Variants in CCAR2 observed in about 807,000 individuals in gnomAD.
The protein encoded by CCAR2 is cell cycle and apoptosis regulator protein 2.
CCAR2 carries 21 observed loss-of-function variants against 108.1 expected under a neutral mutation model. That is an observed-to-expected ratio of 0.19 (90% CI 0.14 to 0.28). The LOEUF is 0.28. Among genes scored for constraint, CCAR2 ranks in the 10% least tolerant of loss-of-function variants. The pLI, the probability that CCAR2 is intolerant of heterozygous loss-of-function variation, is 1.00. For missense variants in CCAR2, 1,126 were observed against 1,177.0 expected (o/e 0.96, Z 0.63); for synonymous variants, 577 against 472.8 (o/e 1.22, Z -2.86).
chr8:22,607,389 C>G (rs1801116883), intron 6 of CCAR2, 64 bp downstream of exon 6: 2 of 1,582,230 alleles, frequency 1.3e-6, no homozygotes, highest in East Asian at 4.5e-5. Flanking sequence ...AATGGACTTT[C>G]AGGTTGCTGC....
intron 4 of CCAR2, 68 bp downstream of exon 4, chr8:22,606,766 GC>G (rs1801095586): frequency 1.4e-6 from 2 of 1,458,220 alleles, no homozygotes; most frequent in East Asian, 4.6e-5. Context: ...TGCTGGTATT[GC>G]CCCCACCCGC....
Position 22,618,387 on chromosome 8 carries a change from C to T in CCAR2, c.2112C>T (p.Asp704=). Residue 704 remains aspartate (D), a synonymous_variant, in exon 17 of 21, where the codon GAC becomes GAT. Transcript: ENST00000308511. ...ATCCCTCTGCTGTGCTCCCCTTAGA[C>T]TGTCTGCTTGCTTTTGTGTTCTTTG... is the stretch of plus-strand genomic sequence containing the variant. The part of the protein sequence containing the change: ...ELDPSAVLPL[D]CLLAFVFFDA... 1.9e-6 allele frequency: 3 copies of T among 1,614,234 alleles called. No individual in the cohort carries two copies. Among genetic ancestry groups the T allele is most frequent in the Non-Finnish European group, 2.5e-6 (3 of 1,180,038 alleles).
rs1554562707 is a variant in CCAR2, at chr8:22,618,333, T to G, written c.2074-16T>G. ...GAACTATTTGCAAATCCTGCTCATCTTTGTTTTCTTTGCAGCCCAAGGAGC... is the reference window on the plus strand; with the variant it reads ...GAACTATTTGCAAATCCTGCTCATCGTTGTTTTCTTTGCAGCCCAAGGAGC... On this transcript the variant is annotated splice_polypyrimidine_tract_variant and intron_variant, in intron 16 of 20. Transcript: ENST00000308511. 8.1e-6 allele frequency: 13 copies of G among 1,614,136 alleles called. No homozygotes were observed. The highest frequency in any genetic ancestry group is 1.1e-5 in the Non-Finnish European group (13 of 1,179,958).
chr8:22,617,157 G>T (rs1055388564), intron 14 of CCAR2, among the ~76,000 whole-genome samples: 15 of 151,834 alleles, frequency 9.9e-5, no homozygotes, highest in African/African-American at 2.9e-4. Flanking sequence ...GCTGCTGCTT[G>T]TTTAAATACT....
At chr8:22,607,348 T>C (rs1801115285) in intron 6 of CCAR2, 23 bp downstream of exon 6, 3 of 1,606,564 alleles carry the variant, frequency 1.9e-6, no homozygotes, top group Admixed American at 1.7e-5. Flanking sequence ...GGCACTGTTG[T>C]TGGGTGTGGC....
At chr8:22,606,257 A>T in intron 3 of CCAR2, 81 bp downstream of exon 3, 1 of 1,181,520 alleles carries the variant, frequency 8.5e-7, no homozygotes, top group Non-Finnish European at 1.3e-6. Flanking sequence ...TCTCTTACAT[A>T]ATAGTGTTTA....
In CCAR2 at chr8:22,619,652, G is replaced by T; in HGVS notation, c.2742G>T (p.Val914=). 1 of 1,574,912 alleles carries T rather than the reference G, an allele frequency of 6.3e-7. No homozygotes were observed. The highest frequency in any genetic ancestry group is 8.6e-7 in the Non-Finnish European group (1 of 1,159,696). Residue 914 remains valine (V), a synonymous_variant, in exon 21 of 21, where the codon GTG becomes GTT. Coordinates refer to ENST00000308511, the MANE Select transcript of CCAR2 (RefSeq NM_001393997.1). The part of the protein sequence containing the change: ...QRVVEKADSW[V]EKEEPAPSN ...GTTTCAAACAGGCTGACAGCTGGGTGGAGAAGGAGGAGCCGGCACCTAGCA... is the reference window on the plus strand; with the variant it reads ...GTTTCAAACAGGCTGACAGCTGGGTTGAGAAGGAGGAGCCGGCACCTAGCA...
At chr8:22,617,271 G>GAAATT in intron 14 of CCAR2, 149 bp from the exon 15 acceptor site, 1 of 923,968 alleles carries the variant, frequency 1.1e-6, no homozygotes, top group Non-Finnish European at 1.5e-6. Context: ...CCCACTTAAT[G>GAAATT]AAATTAAATA....
chr8:22,612,836 A>G (rs575301406), intron 7 of CCAR2, 181 bp from the exon 8 acceptor site: 17 of 664,638 alleles, frequency 2.6e-5, no homozygotes, highest in Middle Eastern at 4.4e-4. Flanking sequence ...AATGTTTATT[A>G]AAACAGTAAA....
Position 22,619,616 on chromosome 8 carries a change from GTA to G in CCAR2, c.2728-21_2728-20del. 6.5e-7 allele frequency: 1 copy of G among 1,533,928 alleles called. No homozygotes were observed. The highest frequency in any genetic ancestry group is 8.8e-7 in the Non-Finnish European group (1 of 1,139,990). On this transcript the variant is annotated intron_variant, in intron 20 of 20. Coordinates refer to ENST00000308511, the MANE Select transcript of CCAR2 (RefSeq NM_001393997.1). The stretch of plus-strand genomic sequence containing the variant: ...ATCACCTTGCCAGGCCCGATTCTGG[GTA>G]CATCATCTGTTTCAAACAGGCTGAC...
chr8:22,617,320 T>G lies in CCAR2; in HGVS notation c.1846-100T>G, dbSNP rs966520450. 4.3e-6 allele frequency: 6 copies of G among 1,381,118 alleles called. No individual in the cohort carries two copies. The Middle Eastern group carries it at 7.6e-4, about 174-fold the overall frequency. The allele number at this position is 1,381,118 out of a possible 1,614,324, so 85.6% of individuals were successfully genotyped here. A position where few individuals can be genotyped will look rare whatever the true frequency, so the allele number is the denominator to read the frequency against. Reference sequence around the variant, plus strand: ...GGTATCTGTAGAGCCCTCCATACAGTGCCTGGGGCATAGTTGATACTCAGG... The same window carrying G: ...GGTATCTGTAGAGCCCTCCATACAGGGCCTGGGGCATAGTTGATACTCAGG... On this transcript the variant is annotated intron_variant, in intron 14 of 20. Coordinates refer to ENST00000308511, the MANE Select transcript of CCAR2 (RefSeq NM_001393997.1).
At chr8:22,612,666 ATAAT>A (rs10564824) in intron 7 of CCAR2, 1,831 of 168,142 alleles carry the variant, frequency 0.011, 39 homozygotes, top group African/African-American at 0.041. Context: ...CACGTTAACT[ATAAT>A]TAATGAAGTG....
At chr8:22,614,750 T>G in intron 10 of CCAR2, 88 bp from the exon 11 acceptor site, 1 of 1,572,030 alleles carries the variant, frequency 6.4e-7, no homozygotes, top group Non-Finnish European at 8.7e-7. Flanking sequence ...TCCGGCTGCC[T>G]TCATCCTGAT....
intron 5 of CCAR2, 69 bp downstream of exon 5, chr8:22,607,093 G>T: frequency 6.2e-7 from 1 of 1,608,830 alleles, no homozygotes; most frequent in Non-Finnish European, 8.5e-7. Flanking sequence ...CTGACAGCTG[G>T]GCAAAACCCT....
rs1346853711 is a variant in CCAR2 at position 22,620,027 on chromosome 8, AAGGCTTTTCGAGTGTGGGACAAG to A, written c.*346_*368del. ...AGTTTAGAATAAGACAGGGGAGAAAAAGGCTTTTCGAGTGTGGGACAAGGTCTGATGTCAGTGAACGGAACTGA... is the reference window on the plus strand; with the variant it reads ...AGTTTAGAATAAGACAGGGGAGAAAAGTCTGATGTCAGTGAACGGAACTGA... On this transcript the variant is annotated 3_prime_UTR_variant, in exon 21 of 21. Coordinates refer to ENST00000308511, the MANE Select transcript of CCAR2 (RefSeq NM_001393997.1). The A allele has an allele frequency of 2.0e-5, 6 of 298,080 alleles. No individual in the cohort carries two copies. Among genetic ancestry groups the A allele is most frequent in the Non-Finnish European group, 3.2e-5 (5 of 154,404 alleles). The allele number at this position is 298,080 out of a possible 1,614,324, so 18.5% of individuals were successfully genotyped here. A position where few individuals can be genotyped will look rare whatever the true frequency, so the allele number is the denominator to read the frequency against.
rs915979172 is a variant in CCAR2 at position 22,614,197 on chromosome 8, C to A, written c.810C>A (p.Ser270Arg). ...GTTGGCTATCAGCCTTCCCCCTGAG[C>A]CAGCCCTTTTCCCTCCATCATCCAA... is the stretch of plus-strand genomic sequence containing the variant. ...HLSWLSAFPL[S>R]QPFSLHHPSR... The change falls in exon 9 of 21, where the codon AGC becomes AGA. Residue 270 changes from serine (S) to arginine (R), a missense_variant. Physicochemically the swap from Ser to Arg is moderately radical, Grantham distance 110. Around this residue, in one of 4 missense-constraint regions of CCAR2, gnomAD observed 1,013 missense variants for 993.9 expected, o/e 1.02. Coordinates refer to ENST00000308511, the MANE Select transcript of CCAR2 (RefSeq NM_001393997.1). 6.2e-7 allele frequency: 1 copy of A among 1,613,990 alleles called. No individual in the cohort carries two copies. Among genetic ancestry groups the A allele is most frequent in the Admixed American group, 1.7e-5 (1 of 60,008 alleles).
In CCAR2 at chr8:22,614,189, C is replaced by T. The variant is rs147153683; in HGVS notation, c.802C>T (p.Pro268Ser). ...GCATCTGAGTTGGCTATCAGCCTTC[C>T]CCCTGAGCCAGCCCTTTTCCCTCCA... is the stretch of plus-strand genomic sequence containing the variant. ...SVHLSWLSAF[P>S]LSQPFSLHHP... The change falls in exon 9 of 21, where the codon CCC becomes TCC. Residue 268 changes from proline (P) to serine (S), a missense_variant. Transcript: ENST00000308511. 6.2e-7 allele frequency: 1 copy of T among 1,614,098 alleles called. No homozygotes were observed. Among genetic ancestry groups the T allele is most frequent in the East Asian group, 2.2e-5 (1 of 44,894 alleles).
intron 6 of CCAR2, 82 bp from the exon 7 acceptor site, chr8:22,607,887 A>C (rs1180545278): frequency 9.0e-6 from 10 of 1,111,398 alleles, no homozygotes; most frequent in Non-Finnish European, 1.4e-5. Flanking sequence ...TGTCCTCTCA[A>C]AGTGCTGGGA....
At chr8:22,608,131 A>T (rs1271470177) in intron 7 of CCAR2, 66 bp downstream of exon 7, 5 of 1,332,250 alleles carry the variant, frequency 3.8e-6, no homozygotes, top group South Asian at 1.3e-5. Context: ...TTTTATTATT[A>T]TTTTTTTGTG....
Sources: gnomAD v4.1 joint callset for allele counts (sites outside exome capture counted in the v4.1 genomes callset) on GRCh38, gnomAD v4.1.1 for gene constraint, gnomAD v4.1.1 regional missense constraint, MANE v1.5 for transcripts, NCBI Gene and HGNC (gene_info 2026-07-23, HGNC 2026-07-21) for gene names.